Variants in PELI2 observed in about 807,000 individuals in gnomAD.
PELI2 encodes pellino E3 ubiquitin protein ligase family member 2, also known as E3 ubiquitin-protein ligase pellino homolog 2.
A neutral mutation model predicts 42.3 loss-of-function variants in PELI2; 23 were observed. The observed-to-expected ratio is 0.54, with a 90% CI of 0.39 to 0.77. PELI2 has a LOEUF of 0.77. Ranked by LOEUF, PELI2 falls within the 30% of genes least tolerant of loss-of-function variation. PELI2 has a pLI of 0.00. For synonymous variants in PELI2, 245 were observed against 212.2 expected (o/e 1.15, Z -1.34); for missense variants, 463 against 553.2 (o/e 0.84, Z 1.64).
chr14:56,291,931 C>CA lies in PELI2; in HGVS notation c.696+1476dup, dbSNP rs564314272. On this transcript the variant is annotated intron_variant, in intron 5 of 5. Coordinates refer to ENST00000267460, the MANE Select transcript of PELI2 (RefSeq NM_021255.3). ...CTGGACACCTAATACTACTCAGTAC[C>CA]ATGTTGTGGGGAGCCAGGGATGGTT... Among the ~76,000 whole-genome samples the CA allele has an allele frequency of 5.2e-4, 79 of 152,326 alleles. No individual in the cohort carries two copies. In the East Asian group the frequency reaches 0.015, roughly 29 times the overall value.
At chr14:56,155,665 T>A (rs1884535171) in intron 1 of PELI2, among the ~76,000 whole-genome samples, 1 of 150,226 alleles carries the variant, frequency 6.7e-6, no homozygotes, top group Non-Finnish European at 1.5e-5. Flanking sequence ...CACTGCAACC[T>A]CCGCCTCCCG....
At chr14:56,155,826 G>A (rs952212642) in intron 1 of PELI2, among the ~76,000 whole-genome samples, 7 of 151,656 alleles carry the variant, frequency 4.6e-5, no homozygotes, top group African/African-American at 1.5e-4. Context: ...CTCGTGATCC[G>A]CCCCCCCTCA....
At chr14:56,287,603 C>T (rs1202328360) in intron 3 of PELI2, among the ~76,000 whole-genome samples, 2 of 151,946 alleles carry the variant, frequency 1.3e-5, no homozygotes, top group African/African-American at 4.8e-5. Context: ...TCAATGAAAC[C>T]AGCAGTTTAG....
intron 2 of PELI2, among the ~76,000 whole-genome samples, chr14:56,182,880 G>A (rs368566637): frequency 4.3e-4 from 65 of 152,186 alleles, no homozygotes; most frequent in African/African-American, 1.5e-3. Flanking sequence ...CTTTGGAAGC[G>A]CTCACTGTCT....
chr14:56,125,533 C>T (rs1293983331), intron 1 of PELI2, among the ~76,000 whole-genome samples: 1 of 151,848 alleles, frequency 6.6e-6, no homozygotes, highest in East Asian at 1.9e-4. Flanking sequence ...TTTGAGAGTC[C>T]CCACTTCTTT....
At chr14:56,251,331 C>T (rs1456796633) in intron 2 of PELI2, among the ~76,000 whole-genome samples, 2 of 152,214 alleles carry the variant, frequency 1.3e-5, no homozygotes, top group Non-Finnish European at 2.9e-5. Flanking sequence ...TTGTGTAGCA[C>T]TTTGAACTTA....
intron 1 of PELI2, among the ~76,000 whole-genome samples, chr14:56,143,285 G>A (rs1883983841): frequency 6.6e-6 from 1 of 152,230 alleles, no homozygotes; most frequent in Admixed American, 6.5e-5. Context: ...TGTGTTCTTA[G>A]TGTATCACAG....
At chr14:56,138,501 T>C (rs981157890) in intron 1 of PELI2, among the ~76,000 whole-genome samples, 9 of 152,160 alleles carry the variant, frequency 5.9e-5, no homozygotes, top group African/African-American at 1.9e-4. Context: ...TCATGAATTA[T>C]GTTCTACAGT....
intron 1 of PELI2, among the ~76,000 whole-genome samples, chr14:56,132,418 G>GGT (rs1312281828): frequency 3.9e-5 from 6 of 152,168 alleles, no homozygotes; most frequent in African/African-American, 1.4e-4. Flanking sequence ...TTTACATTAA[G>GGT]GTCCGAAGTT....
chr14:56,231,080 A>G (rs955778837), intron 2 of PELI2, among the ~76,000 whole-genome samples: 4 of 152,220 alleles, frequency 2.6e-5, no homozygotes, highest in East Asian at 1.9e-4. Context: ...TATGCACCCA[A>G]TATAAGAGCA....
chr14:56,198,240 A>G (rs1179583056), intron 2 of PELI2, among the ~76,000 whole-genome samples: 1 of 152,168 alleles, frequency 6.6e-6, no homozygotes, highest in East Asian at 1.9e-4. Flanking sequence ...GTGTAGTCTG[A>G]GATGCCAGTG....
At chr14:56,160,330 G>A (rs1267082690) in intron 1 of PELI2, among the ~76,000 whole-genome samples, 2 of 152,108 alleles carry the variant, frequency 1.3e-5, no homozygotes, top group Non-Finnish European at 2.9e-5. Flanking sequence ...AGAAGTTAAG[G>A]GATATGTGCA....
At position 56,273,677 on chromosome 14, in the gene PELI2, A is replaced by T. The variant is rs1424426935; in HGVS notation, c.208-5999A>T. On this transcript the variant is annotated intron_variant, in intron 2 of 5. Transcript: ENST00000267460. This position sits in a 1 kb window ranked among gnomAD's most constrained non-coding sequence, Gnocchi z 4.3. ...TTATGAAGGTAATAATGCTAACTGT[A>T]TGTGAACAACAGTGGCAAGAGAGGG... 3.9e-5 allele frequency among the ~76,000 whole-genome samples: 6 copies of T among 152,194 alleles called. No homozygotes were observed. Among genetic ancestry groups the T allele is most frequent in the African/African-American group, 1.4e-4 (6 of 41,454 alleles).
At chr14:56,140,093 T>TTGATTATA (rs1883846397) in intron 1 of PELI2, among the ~76,000 whole-genome samples, 1 of 152,032 alleles carries the variant, frequency 6.6e-6, no homozygotes, top group Non-Finnish European at 1.5e-5. Context: ...TATAGCTCTG[T>TTGATTATA]TGATTATAGC....
chr14:56,221,171 G>A (rs1887120429), intron 2 of PELI2, among the ~76,000 whole-genome samples: 2 of 152,288 alleles, frequency 1.3e-5, no homozygotes, highest in East Asian at 1.9e-4. Context: ...ACTTTGTGAG[G>A]CACTGAATTT....
At chr14:56,212,654 C>T (rs1434119884) in intron 2 of PELI2, among the ~76,000 whole-genome samples, 2 of 152,238 alleles carry the variant, frequency 1.3e-5, no homozygotes, top group Admixed American at 1.3e-4. Flanking sequence ...ACAGTCCTGC[C>T]TGTGGCAGCT....
At chr14:56,208,921 C>T (rs1449249767) in intron 2 of PELI2, among the ~76,000 whole-genome samples, 3 of 152,088 alleles carry the variant, frequency 2.0e-5, no homozygotes, top group Non-Finnish European at 2.9e-5. Context: ...TTGTTACCAG[C>T]GTTAAAATTT....
At chr14:56,239,763 C>A (rs780988680) in intron 2 of PELI2, among the ~76,000 whole-genome samples, 1 of 152,082 alleles carries the variant, frequency 6.6e-6, no homozygotes, top group Non-Finnish European at 1.5e-5. Flanking sequence ...TTTGGGAAGT[C>A]CTTTAGAGAA....
At chr14:56,264,428 A>G (rs1297893515) in intron 2 of PELI2, among the ~76,000 whole-genome samples, 2 of 152,176 alleles carry the variant, frequency 1.3e-5, no homozygotes, top group African/African-American at 2.4e-5. Flanking sequence ...ACACCAGAAA[A>G]AGGAGGAGGA....
Sources: gnomAD v4.1 joint callset for allele counts (sites outside exome capture counted in the v4.1 genomes callset) on GRCh38, gnomAD v4.1.1 for gene constraint, Gnocchi (gnomAD v3.1) non-coding constraint, MANE v1.5 for transcripts, NCBI Gene and HGNC (gene_info 2026-07-23, HGNC 2026-07-21) for gene names.